The following TRAPPC9 variants were observed in gnomAD, a reference collection of about 807,000 sequenced individuals.
TRAPPC9 encodes the protein IKK2 binding protein.
TRAPPC9 carries 83 observed loss-of-function variants against 124.0 expected under a neutral mutation model. The ratio of observed to expected loss-of-function variants is 0.67; its 90% CI spans 0.56 to 0.80. The LOEUF is 0.80. Among genes scored for constraint, TRAPPC9 ranks in the 30% least tolerant of loss-of-function variants. The probability of loss-of-function intolerance (pLI) is 0.00; values close to 1 mark genes in which losing one functional copy is unlikely to be tolerated. For synonymous variants in TRAPPC9, 638 were observed against 617.5 expected (o/e 1.03, Z -0.49); for missense variants, 1,302 against 1,508.3 (o/e 0.86, Z 2.27).
intron 7 of TRAPPC9, among the ~76,000 whole-genome samples, chr8:140,394,194 T>C (rs2069020365): frequency 1.3e-5 from 2 of 152,242 alleles, no homozygotes; most frequent in South Asian, 2.1e-4. Context: ...GCAACTCCAG[T>C]TGTTAACGGC....
At chr8:139,796,690 T>G (rs1196548085) in intron 21 of TRAPPC9, among the ~76,000 whole-genome samples, 1 of 152,270 alleles carries the variant, frequency 6.6e-6, no homozygotes, top group Admixed American at 6.5e-5. Flanking sequence ...ACTCTTTGGT[T>G]ATTATGAACA....
At chr8:140,303,153 C>T (rs376915825) in intron 10 of TRAPPC9, among the ~76,000 whole-genome samples, 14 of 152,266 alleles carry the variant, frequency 9.2e-5, no homozygotes, top group African/African-American at 2.6e-4. Flanking sequence ...AAGTTTTAAA[C>T]GTATCAAAGC....
chr8:140,410,957 GATATATAAACA>G (rs1451647413), intron 5 of TRAPPC9, among the ~76,000 whole-genome samples: 1 of 152,104 alleles, frequency 6.6e-6, no homozygotes. Context: ...ACTCATTAAT[GATATATAAACA>G]GCAATAATTA....
intron 21 of TRAPPC9, among the ~76,000 whole-genome samples, chr8:139,795,538 G>A (rs1822990211): frequency 7.8e-6 from 1 of 128,074 alleles, no homozygotes; most frequent in East Asian, 2.7e-4. Context: ...GATAGGATCT[G>A]TAATCAAAGC....
At position 139,753,527 on chromosome 8, in the gene TRAPPC9, G is replaced by A. The variant is rs1299469237; in HGVS notation, c.3056-21325C>T. Among the ~76,000 whole-genome samples, 3 of 152,210 alleles carry A rather than the reference G, an allele frequency of 2.0e-5. No homozygotes were observed. The East Asian group carries it at 5.8e-4, about 29-fold the overall frequency. On this transcript the variant is annotated intron_variant, in intron 21 of 22. Coordinates refer to ENST00000438773, the MANE Select transcript of TRAPPC9 (RefSeq NM_001160372.4). ...GATTTGTTCTGCTCTTCCCTCAGGG[G>A]AAATACTCCCAGTGGCTGCTGAATG...
chr8:139,975,005 C>T (rs1310890309), intron 19 of TRAPPC9, among the ~76,000 whole-genome samples: 1 of 152,114 alleles, frequency 6.6e-6, no homozygotes, highest in Admixed American at 6.5e-5. Flanking sequence ...GCACTGCACC[C>T]CATCAGAGTC....
chr8:139,910,007 G>T, intron 20 of TRAPPC9, 140 bp downstream of exon 20: 2 of 947,782 alleles, frequency 2.1e-6, no homozygotes, highest in Non-Finnish European at 3.2e-6. Context: ...CCAAGCCTTT[G>T]GTCCACATCT....
At chr8:139,816,388 C>T (rs533873967) in intron 21 of TRAPPC9, among the ~76,000 whole-genome samples, 2 of 152,326 alleles carry the variant, frequency 1.3e-5, no homozygotes, top group Admixed American at 1.3e-4. Context: ...CGTTCCTTGC[C>T]AGCCCACCAG....
At chr8:140,393,415 T>C (rs1250311263) in intron 7 of TRAPPC9, among the ~76,000 whole-genome samples, 1 of 152,192 alleles carries the variant, frequency 6.6e-6, no homozygotes, top group Non-Finnish European at 1.5e-5. Context: ...CCCATAAATG[T>C]ACAGGTAGAC....
intron 17 of TRAPPC9, among the ~76,000 whole-genome samples, chr8:140,071,946 T>A (rs1843179177): frequency 6.6e-6 from 1 of 152,158 alleles, no homozygotes; most frequent in Non-Finnish European, 1.5e-5. Context: ...CTCTGCCACA[T>A]TCACAAAATC....
chr8:140,017,926 TTCCA>T (rs1191435006), intron 18 of TRAPPC9, among the ~76,000 whole-genome samples: 21 of 152,038 alleles, frequency 1.4e-4, no homozygotes, highest in African/African-American at 4.8e-4. Context: ...TGACTACAAC[TTCCA>T]CCTCCTGGGT....
intron 6 of TRAPPC9, among the ~76,000 whole-genome samples, chr8:140,402,622 G>T (rs908245491): frequency 8.6e-5 from 13 of 151,644 alleles, no homozygotes; most frequent in African/African-American, 3.2e-4. Context: ...CCTGAACCTG[G>T]GAGATAAAGG....
At chr8:140,215,173 A>T (rs2063161132) in intron 17 of TRAPPC9, among the ~76,000 whole-genome samples, 1 of 152,078 alleles carries the variant, frequency 6.6e-6, no homozygotes, top group Non-Finnish European at 1.5e-5. Flanking sequence ...AATCCACCAC[A>T]TTCACTACTG....
intron 9 of TRAPPC9, among the ~76,000 whole-genome samples, chr8:140,331,699 T>C (rs940441475): frequency 5.3e-5 from 8 of 151,876 alleles, no homozygotes; most frequent in Non-Finnish European, 8.8e-5. Context: ...AAAGAAGACA[T>C]ACAAAATGGC....
At chr8:140,341,750 G>A (rs942021322) in intron 9 of TRAPPC9, among the ~76,000 whole-genome samples, 4 of 152,236 alleles carry the variant, frequency 2.6e-5, no homozygotes, top group South Asian at 2.1e-4. Context: ...AGGGGCTGGA[G>A]GGAAGCACGG....
At chr8:139,869,036 A>T (rs528892029) in intron 21 of TRAPPC9, among the ~76,000 whole-genome samples, 1 of 152,350 alleles carries the variant, frequency 6.6e-6, no homozygotes, top group East Asian at 1.9e-4. Flanking sequence ...AGATCACAAA[A>T]GTATATAGAA....
intron 19 of TRAPPC9, among the ~76,000 whole-genome samples, chr8:139,927,254 C>CT (rs58958161): frequency 1.4e-4 from 20 of 147,898 alleles, no homozygotes; most frequent in Non-Finnish European, 1.6e-4. Context: ...TCTTTTCTTT[C>CT]TTTTTTTTTT....
chr8:139,921,510 A>G (rs951129365), intron 19 of TRAPPC9, among the ~76,000 whole-genome samples: 1 of 152,142 alleles, frequency 6.6e-6, no homozygotes, highest in Non-Finnish European at 1.5e-5. Flanking sequence ...ATGTTAGAGG[A>G]GTATGCAGTA....
chr8:140,431,580 T>TATAAA (rs2070648536), intron 4 of TRAPPC9, among the ~76,000 whole-genome samples: 1 of 152,226 alleles, frequency 6.6e-6, no homozygotes, highest in Non-Finnish European at 1.5e-5. Flanking sequence ...GATGACTTCA[T>TATAAA]ATAAAATAAT....
Sources: allele counts gnomAD v4.1 joint callset (sites outside exome capture counted in the v4.1 genomes callset), GRCh38; gene constraint gnomAD v4.1.1; transcripts MANE v1.5; gene names NCBI Gene and HGNC (gene_info 2026-07-23, HGNC 2026-07-21).